TEAD2: variants seen among roughly 807,000 people sequenced by gnomAD.
TEAD2 encodes the protein transcriptional enhancer factor TEF-4.
TEAD2 carries 51 observed loss-of-function variants against 61.4 expected under a neutral mutation model. The ratio of observed to expected loss-of-function variants is 0.83; its 90% CI spans 0.66 to 1.05. The LOEUF is 1.05. Ranked by LOEUF, TEAD2 falls within the 50% of genes least tolerant of loss-of-function variation. The pLI is 0.00. For missense variants in TEAD2, 509 were observed against 600.0 expected, an observed-to-expected ratio of 0.85 and a Z score of 1.58; for synonymous variants, 244 against 243.2, an observed-to-expected ratio of 1.00 and a Z score of -0.03.
At position 49,359,526 on chromosome 19, in the gene TEAD2, T is replaced by C. The variant is rs770431089; in HGVS notation, c.233-27A>G. On this transcript the variant is annotated intron_variant, in intron 2 of 12. Transcript: ENST00000593945. This position sits in a 1 kb window ranked among gnomAD's most constrained non-coding sequence, Gnocchi z 4.1. ...TGAAGATTCAAAGACGGAACAGAGT[T>C]AGTTAGACTTTCAACAGAACTTCCC... 4 of 1,612,854 alleles carry C rather than the reference T, an allele frequency of 2.5e-6. No homozygotes were observed. Among genetic ancestry groups the C allele is most frequent in the Non-Finnish European group, 3.4e-6 (4 of 1,179,028 alleles).
At chr19:49,343,824 T>C (rs1971458549) in intron 10 of TEAD2, among the ~76,000 whole-genome samples, 1 of 147,362 alleles carries the variant, frequency 6.8e-6, no homozygotes, top group Non-Finnish European at 1.5e-5. Flanking sequence ...AGTGTTGTTT[T>C]GTTTTTTTGT....
In TEAD2 at chr19:49,355,426, G is replaced by T. The variant is rs201074554; in HGVS notation, c.373-7C>A. On this transcript the variant is annotated splice_region_variant and splice_polypyrimidine_tract_variant and intron_variant, in intron 5 of 12. Transcript: ENST00000593945. ...TGTCCTTGGAAACCTGGTCCTGGAG[G>T]AGGAGGCGGAAGTTCATGTGAGAGG... The T allele has an allele frequency of 7.7e-5, 125 of 1,612,952 alleles. 1 individual carries two copies. In the East Asian group the frequency reaches 1.6e-3, roughly 21 times the overall value.
intron 10 of TEAD2, among the ~76,000 whole-genome samples, chr19:49,344,266 T>A (rs1390231074): frequency 1.3e-5 from 2 of 151,960 alleles, no homozygotes; most frequent in African/African-American, 4.8e-5. Context: ...AGCCCTGGAA[T>A]TCAATTTCAA....
rs200292851 is a variant in TEAD2, at chr19:49,342,420, C to T, written c.1242+18G>A. 1.2e-6 allele frequency: 2 copies of T among 1,610,676 alleles called. No individual in the cohort carries two copies. The highest frequency in any genetic ancestry group is 1.7e-6 in the Non-Finnish European group (2 of 1,177,254). On this transcript the variant is annotated intron_variant, in intron 12 of 12. Coordinates refer to ENST00000593945, the MANE Select transcript of TEAD2 (RefSeq NM_001256660.2). ...TCCACACTGGGGGGCCCCACTCCAG[C>T]CCAGCCCCAGGCATCACCTGGAGGA...
Position 49,340,968 on chromosome 19 carries a change from C to A in TEAD2, c.*356G>T, listed in dbSNP as rs1377254515. On this transcript the variant is annotated 3_prime_UTR_variant, in exon 13 of 13. Coordinates refer to ENST00000593945, the MANE Select transcript of TEAD2 (RefSeq NM_001256660.2). ...TGTAACTAGCGCTCTCCAAGACATG[C>A]AGAGGAGTGGGGGTGGCCTGTCAGG... 2.7e-4 allele frequency: 60 copies of A among 222,884 alleles called. No individual in the cohort carries two copies. Among genetic ancestry groups the A allele is most frequent in the Non-Finnish European group, 1.6e-4 (18 of 111,094 alleles). The allele number at this position is 222,884 out of a possible 1,614,324, so 13.8% of individuals were successfully genotyped here. A position where few individuals can be genotyped will look rare whatever the true frequency, so the allele number is the denominator to read the frequency against.
chr19:49,358,346 C>T (rs2146607191), intron 3 of TEAD2, among the ~76,000 whole-genome samples: 1 of 152,206 alleles, frequency 6.6e-6, no homozygotes, highest in South Asian at 2.1e-4. Flanking sequence ...ACCCGGAAGG[C>T]GGAGGCTGCA....
rs540092294 is a variant in TEAD2 at position 49,341,178 on chromosome 19, G to C, written c.*146C>G. 2 of 688,818 alleles carry C rather than the reference G, an allele frequency of 2.9e-6. No individual in the cohort carries two copies. Among genetic ancestry groups the C allele is most frequent in the South Asian group, 1.8e-5 (1 of 54,728 alleles). 42.7% of individuals were successfully genotyped at this position (688,818 alleles called of 1,614,324 possible). ...CCAAGTTTTGGGGGCCCCTCTAATG[G>C]GGGGGATGGCCCCAGTTGCTTAGGC... On this transcript the variant is annotated 3_prime_UTR_variant, in exon 13 of 13. Coordinates refer to ENST00000593945, the MANE Select transcript of TEAD2 (RefSeq NM_001256660.2). The surrounding 1 kb of genome is among the most constrained non-coding windows in gnomAD (Gnocchi z 4.2).
At chr19:49,356,140 T>A (rs2146556872) in intron 4 of TEAD2, 170 bp from the exon 5 acceptor site, 1 of 450,528 alleles carries the variant, frequency 2.2e-6, no homozygotes, top group Non-Finnish European at 3.6e-6. Flanking sequence ...TGGCCAGCCC[T>A]GGAGGGGAAA....
At chr19:49,342,296 A>G in intron 12 of TEAD2, 142 bp downstream of exon 12, 1 of 1,151,630 alleles carries the variant, frequency 8.7e-7, no homozygotes, top group East Asian at 2.4e-5. Context: ...TTCCTAGTTA[A>G]AAGAGCCTCA....
In TEAD2 at chr19:49,351,341, C is replaced by T. The variant is rs746272353; in HGVS notation, c.564G>A (p.Pro188=). 30 of 1,611,860 alleles carry T rather than the reference C, an allele frequency of 1.9e-5. No individual in the cohort carries two copies. Among genetic ancestry groups the T allele is most frequent in the Middle Eastern group, 1.6e-4 (1 of 6,064 alleles). The change falls in exon 8 of 13, where the codon CCG becomes CCA. Residue 188 remains proline (P), a synonymous_variant. Coordinates refer to ENST00000593945, the MANE Select transcript of TEAD2 (RefSeq NM_001256660.2). ...ATGGGGGAGTCAGTGACAAGGTGAA[C>T]GGTGTCTGTGAGAATGGCTTCACAC... ...VPDVKPFSQT[P]FTLSLTPPST... is the part of the protein sequence containing the mutation.
intron 4 of TEAD2, among the ~76,000 whole-genome samples, 161 bp downstream of exon 4, chr19:49,357,091 C>A (rs1972456266): frequency 6.8e-6 from 1 of 146,794 alleles, no homozygotes; most frequent in African/African-American, 2.5e-5. Context: ...AGTCTCTGTC[C>A]CCCTCTCCCT....
chr19:49,359,367 C>G lies in TEAD2; in HGVS notation c.297+68G>C, dbSNP rs534876685. The G allele has an allele frequency of 1.1e-5, 16 of 1,466,664 alleles. No individual in the cohort carries two copies. The South Asian group carries it at 1.6e-4, about 15-fold the overall frequency. The allele number at this position is 1,466,664 out of a possible 1,614,324, so 90.9% of individuals were successfully genotyped here. On this transcript the variant is annotated intron_variant, in intron 3 of 12. Coordinates refer to ENST00000593945, the MANE Select transcript of TEAD2 (RefSeq NM_001256660.2). This position sits in a 1 kb window ranked among gnomAD's most constrained non-coding sequence, Gnocchi z 4.1. The stretch of plus-strand genomic sequence containing the variant: ...AGCTTCTTCCTTGAACCTGAACCTG[C>G]CCATGCGAGGATGACCCTAAGAAGA...
chr19:49,357,999 G>A (rs1010096589), intron 3 of TEAD2, among the ~76,000 whole-genome samples: 1 of 152,088 alleles, frequency 6.6e-6, no homozygotes, highest in Admixed American at 6.6e-5. Flanking sequence ...TTGGGAGGCC[G>A]AGGCGGGTGG....
chr19:49,351,232 T>G, intron 8 of TEAD2, 69 bp downstream of exon 8: 1 of 1,443,864 alleles, frequency 6.9e-7, no homozygotes. Flanking sequence ...TGATGGAAGG[T>G]TGAAGGAAAG....
chr19:49,357,327 A>G lies in TEAD2; in HGVS notation c.298-13T>C. On this transcript the variant is annotated splice_polypyrimidine_tract_variant and intron_variant, in intron 3 of 12. Transcript: ENST00000593945. ...TGTGACTAGAAACCTGGAAGGATCA[A>G]CGGAGAAGCAGATTCAGGCCACAGC... 6.2e-7 allele frequency: 1 copy of G among 1,613,518 alleles called. No individual in the cohort carries two copies. The highest frequency in any genetic ancestry group is 8.5e-7 in the Non-Finnish European group (1 of 1,179,806).
chr19:49,353,813 C>T (rs1367689276), intron 7 of TEAD2, among the ~76,000 whole-genome samples: 1 of 151,164 alleles, frequency 6.6e-6, no homozygotes, highest in Admixed American at 6.6e-5. Flanking sequence ...TGGAGTCTCG[C>T]TCTATTGCCC....
At position 49,359,426 on chromosome 19, in the gene TEAD2, T is replaced by C; in HGVS notation, c.297+9A>G. The C allele has an allele frequency of 6.2e-7, 1 of 1,613,818 alleles. No individual in the cohort carries two copies. Among genetic ancestry groups the C allele is most frequent in the Non-Finnish European group, 8.5e-7 (1 of 1,179,856 alleles). On this transcript the variant is annotated intron_variant, in intron 3 of 12. Coordinates refer to ENST00000593945, the MANE Select transcript of TEAD2 (RefSeq NM_001256660.2). The surrounding 1 kb of genome is among the most constrained non-coding windows in gnomAD (Gnocchi z 4.1). ...TCCCAGACAGAAGCCCACAAGTCCATTCCGAGACCTGTTTTCGAGTTCGGG... is the reference window on the plus strand; with the variant it reads ...TCCCAGACAGAAGCCCACAAGTCCACTCCGAGACCTGTTTTCGAGTTCGGG...
chr19:49,353,611 A>C (rs1972163238), intron 7 of TEAD2, among the ~76,000 whole-genome samples: 1 of 152,060 alleles, frequency 6.6e-6, no homozygotes, highest in Non-Finnish European at 1.5e-5. Context: ...CGGAAACCCC[A>C]GCGTCAGGGC....
At chr19:49,349,417 T>A (rs977814120) in intron 8 of TEAD2, among the ~76,000 whole-genome samples, 2 of 150,412 alleles carry the variant, frequency 1.3e-5, no homozygotes, top group African/African-American at 2.5e-5. Flanking sequence ...GAGCCGAGAT[T>A]GCGCCACTGC....
Sources: gnomAD v4.1 joint callset for allele counts (sites outside exome capture counted in the v4.1 genomes callset) on GRCh38, gnomAD v4.1.1 for gene constraint, Gnocchi (gnomAD v3.1) non-coding constraint, MANE v1.5 for transcripts, NCBI Gene and HGNC (gene_info 2026-07-23, HGNC 2026-07-21) for gene names.